Variants in MALRD1 observed in about 807,000 individuals in gnomAD.
MALRD1 encodes the protein MAM and LDL-receptor class A domain-containing protein 1.
Under a neutral mutation model 242.1 loss-of-function variants are expected in MALRD1, and 247 were observed. That is an observed-to-expected ratio of 1.02 (90% CI 0.92 to 1.13). The LOEUF (loss-of-function observed/expected upper bound fraction) is 1.13, where lower values mean the gene tolerates loss of function less well. MALRD1 is among the 50% of genes most tolerant of loss of function. MALRD1 has a pLI of 0.00. For missense variants in MALRD1, 2,989 were observed against 2,533.1 expected (o/e 1.18, Z -3.86); for synonymous variants, 995 against 866.6 (o/e 1.15, Z -2.60).
chr10:19,133,957 GA>G lies in MALRD1; in HGVS notation c.1203+20del, dbSNP rs777639768. ...ATCTGAAGACATTTAAGGTATGAAA[GA>G]AAAAAAAAAAGTATTTTTTTATCAT... On this transcript the variant is annotated intron_variant, in intron 9 of 39. Coordinates refer to ENST00000454679, the MANE Select transcript of MALRD1 (RefSeq NM_001142308.3). 16,290 of 949,398 alleles carry G rather than the reference GA, an allele frequency of 0.017. 30 individuals are homozygous for G. The highest frequency in any genetic ancestry group is 0.024 in the African/African-American group (1,334 of 56,416). The allele number at this position is 949,398 out of a possible 1,614,324, so 58.8% of individuals were successfully genotyped here.
intron 18 of MALRD1, among the ~76,000 whole-genome samples, chr10:19,217,532 C>CTTTTT (rs34267262): frequency 8.6e-6 from 1 of 116,390 alleles, no homozygotes; most frequent in Non-Finnish European, 1.7e-5. Context: ...ATCATGCAGT[C>CTTTTT]TTTTTTTTTT....
intron 38 of MALRD1, among the ~76,000 whole-genome samples, chr10:19,713,348 A>G (rs993947579): frequency 6.6e-6 from 1 of 152,216 alleles, no homozygotes; most frequent in Non-Finnish European, 1.5e-5. Flanking sequence ...CCAAAACCAT[A>G]CATAAACCAC....
intron 38 of MALRD1, among the ~76,000 whole-genome samples, chr10:19,701,867 T>G (rs1301949946): frequency 6.6e-6 from 1 of 150,578 alleles, no homozygotes; most frequent in African/African-American, 2.4e-5. Context: ...CTCTTCTTCC[T>G]TTCTCTTCTC....
intron 38 of MALRD1, among the ~76,000 whole-genome samples, chr10:19,712,738 G>T (rs986606189): frequency 6.6e-6 from 1 of 152,184 alleles, no homozygotes; most frequent in Non-Finnish European, 1.5e-5. Flanking sequence ...ATCAGAGAAG[G>T]TTAGACAGTA....
chr10:19,565,111 A>G (rs1323904912), intron 32 of MALRD1, among the ~76,000 whole-genome samples: 4 of 152,184 alleles, frequency 2.6e-5, no homozygotes, highest in Non-Finnish European at 5.9e-5. Flanking sequence ...TGAGTTAGTA[A>G]AGTTGACCAG....
chr10:19,339,422 A>G (rs1258624835), intron 24 of MALRD1, among the ~76,000 whole-genome samples: 1 of 152,156 alleles, frequency 6.6e-6, no homozygotes, highest in Non-Finnish European at 1.5e-5. Flanking sequence ...AGCTCCTCAC[A>G]CAAATTTGTA....
rs1451140643 is a variant in MALRD1 at position 19,490,730 on chromosome 10, AAC to A, written c.5030-781_5030-780del. Among the ~76,000 whole-genome samples the A allele has an allele frequency of 5.9e-5, 9 of 152,310 alleles. 1 individual carries two copies. The highest frequency in any genetic ancestry group is 2.1e-4 in the South Asian group (1 of 4,824). On this transcript the variant is annotated intron_variant, in intron 29 of 39. Transcript: ENST00000454679. The stretch of plus-strand genomic sequence containing the variant: ...TACATGCTATTTAGTTTTAGAAAAA[AAC>A]ACACATTCATTTCCTGAAGTCTGCT...
intron 33 of MALRD1, among the ~76,000 whole-genome samples, chr10:19,585,485 A>G (rs1451102907): frequency 2.0e-5 from 3 of 151,974 alleles, no homozygotes; most frequent in African/African-American, 7.3e-5. Context: ...TCATTTATGA[A>G]GCTTAGTTTG....
At chr10:19,235,367 G>A (rs1487458090) in intron 18 of MALRD1, among the ~76,000 whole-genome samples, 2 of 140,420 alleles carry the variant, frequency 1.4e-5, no homozygotes, top group East Asian at 2.1e-4. Flanking sequence ...CTGATGATTA[G>A]TAATTCTAAG....
chr10:19,415,703 T>C (rs1186635977), intron 28 of MALRD1, among the ~76,000 whole-genome samples: 1 of 152,188 alleles, frequency 6.6e-6, no homozygotes, highest in African/African-American at 2.4e-5. Flanking sequence ...AAAAGATCAT[T>C]ATTTTTTAAA....
intron 36 of MALRD1, among the ~76,000 whole-genome samples, chr10:19,668,170 A>G (rs577807503): frequency 1.3e-5 from 2 of 152,332 alleles, no homozygotes; most frequent in South Asian, 4.1e-4. Flanking sequence ...ATAGCACCCA[A>G]GAATTTCCCA....
At chr10:19,078,867 G>GA (rs976651702) in intron 2 of MALRD1, among the ~76,000 whole-genome samples, 9 of 151,432 alleles carry the variant, frequency 5.9e-5, no homozygotes, top group Non-Finnish European at 1.3e-4. Flanking sequence ...TCTGAACCTT[G>GA]TTCACTCTTC....
intron 28 of MALRD1, among the ~76,000 whole-genome samples, chr10:19,403,048 A>C (rs994834135): frequency 6.6e-6 from 1 of 152,176 alleles, no homozygotes; most frequent in African/African-American, 2.4e-5. Flanking sequence ...GCTTAACTAT[A>C]AACAAGGAGA....
chr10:19,409,463 A>G (rs1025048440), intron 28 of MALRD1, among the ~76,000 whole-genome samples: 4 of 152,182 alleles, frequency 2.6e-5, no homozygotes, highest in Admixed American at 1.3e-4. Flanking sequence ...TTTAAAAAAA[A>G]TAAATGAAAA....
At position 19,048,948 on chromosome 10, in the gene MALRD1, T is replaced by C. The variant is rs1024068584; in HGVS notation, c.10T>C (p.Phe4Leu). 6.8e-5 allele frequency: 84 copies of C among 1,233,818 alleles called. No individual in the cohort carries two copies. The highest frequency in any genetic ancestry group is 8.3e-5 in the Non-Finnish European group (82 of 988,138). The allele number at this position is 1,233,818 out of a possible 1,614,324, so 76.4% of individuals were successfully genotyped here. The change falls in exon 1 of 40, where the codon TTC (phenylalanine) becomes CTC (leucine). Residue 4 changes from phenylalanine (F) to leucine (L), a missense_variant. By Grantham distance (22) the Phe-to-Leu change is conservative (BLOSUM62 0). Coordinates refer to ENST00000454679, the MANE Select transcript of MALRD1 (RefSeq NM_001142308.3). ...TAGACAATACCAAGTAATGCTCTTC[T>C]TCCTGGACAGAATGTTGGCATTCCC... The part of the protein sequence containing the change: MLF[F>L]LDRMLAFPMN...
chr10:19,116,501 A>C (rs75386298), intron 5 of MALRD1, among the ~76,000 whole-genome samples: 1,698 of 152,332 alleles, frequency 0.011, 33 homozygotes, highest in African/African-American at 0.039. Flanking sequence ...GATAACTGAC[A>C]CATTGTCTAA....
chr10:19,117,888 A>C (rs111786717), intron 5 of MALRD1, among the ~76,000 whole-genome samples: 4 of 152,222 alleles, frequency 2.6e-5, no homozygotes, highest in African/African-American at 9.6e-5. Flanking sequence ...TCAAACAAGT[A>C]TACATTGAGC....
At chr10:19,648,718 A>G (rs1840748373) in intron 36 of MALRD1, among the ~76,000 whole-genome samples, 2 of 152,234 alleles carry the variant, frequency 1.3e-5, no homozygotes, top group Admixed American at 6.5e-5. Flanking sequence ...TGCAGTTACC[A>G]TCTATTTTGT....
intron 15 of MALRD1, 104 bp downstream of exon 15, chr10:19,203,984 A>T: frequency 1.5e-6 from 2 of 1,329,424 alleles, no homozygotes; most frequent in Non-Finnish European, 2.1e-6. Context: ...TACAACAAAC[A>T]GTCAGATAGT....
Sources: gnomAD v4.1 joint callset for allele counts (sites outside exome capture counted in the v4.1 genomes callset) on GRCh38, gnomAD v4.1.1 for gene constraint, MANE v1.5 for transcripts, NCBI Gene and HGNC (gene_info 2026-07-23, HGNC 2026-07-21) for gene names.